The following RFX3 variants were observed in gnomAD, a reference collection of about 807,000 sequenced individuals.
RFX3 encodes transcription factor RFX3.
A neutral mutation model predicts 98.6 loss-of-function variants in RFX3; 14 were observed. The ratio of observed to expected loss-of-function variants is 0.14; its 90% CI spans 0.09 to 0.22. The LOEUF is 0.22. RFX3 is among the 10% of genes least tolerant of loss of function. The pLI, the probability that RFX3 is intolerant of heterozygous loss-of-function variation, is 1.00. For missense variants in RFX3, 639 were observed against 926.9 expected, an observed-to-expected ratio of 0.69 and a Z score of 4.03; for synonymous variants, 383 against 328.4, an observed-to-expected ratio of 1.17 and a Z score of -1.80.
intron 1 of RFX3, among the ~76,000 whole-genome samples, chr9:3,470,707 A>G (rs1044580204): frequency 9.9e-5 from 15 of 152,166 alleles, no homozygotes; most frequent in Non-Finnish European, 2.1e-4. Flanking sequence ...AGAAATCTGT[A>G]TCTATTGTGA....
chr9:3,400,204 G>T, intron 1 of RFX3: 1 of 980,268 alleles, frequency 1.0e-6, no homozygotes, highest in Non-Finnish European at 1.2e-6. Context: ...GCTGCACAAA[G>T]ACAAGTAAGA....
intron 15 of RFX3, among the ~76,000 whole-genome samples, chr9:3,243,330 CA>C (rs34599472): frequency 3.2e-4 from 47 of 146,664 alleles, no homozygotes; most frequent in African/African-American, 1.0e-3. Context: ...ATCATTTAGG[CA>C]AAAAAAAAAA....
intron 15 of RFX3, among the ~76,000 whole-genome samples, chr9:3,243,676 A>T (rs1399362480): frequency 1.3e-5 from 2 of 152,198 alleles, no homozygotes; most frequent in African/African-American, 4.8e-5. Context: ...AGATACATTC[A>T]TTGTTCTTAA....
chr9:3,219,138 G>T lies in RFX3; in HGVS notation c.*5904C>A, dbSNP rs1385975460. 6.6e-6 allele frequency: 1 copy of T among 152,078 alleles called. No homozygotes were observed. Among genetic ancestry groups the T allele is most frequent in the African/African-American group, 2.4e-5 (1 of 41,418 alleles). 9.4% of individuals were successfully genotyped at this position (152,078 alleles called of 1,614,324 possible). A position where few individuals can be genotyped will look rare whatever the true frequency, so the allele number is the denominator to read the frequency against. On this transcript the variant is annotated 3_prime_UTR_variant, in exon 17 of 17. Transcript: ENST00000617270. ...TCCAAATTGATGATGGAAATGAGTA[G>T]AGAAAAAAATTTGCTTTGGTACAAA...
intron 4 of RFX3, among the ~76,000 whole-genome samples, chr9:3,302,916 C>T (rs996548431): frequency 6.6e-6 from 1 of 151,686 alleles, no homozygotes; most frequent in Non-Finnish European, 1.5e-5. Flanking sequence ...GTTGCTAATT[C>T]TTCCCTGGAG....
chr9:3,382,307 C>T (rs1356573543), intron 2 of RFX3, among the ~76,000 whole-genome samples: 1 of 152,056 alleles, frequency 6.6e-6, no homozygotes, highest in African/African-American at 2.4e-5. Flanking sequence ...AAAAGTTGTA[C>T]CTTTGTATTT....
In RFX3 at chr9:3,525,945, A is replaced by T; in HGVS notation, c.-207T>A. 1.2e-6 allele frequency: 1 copy of T among 828,076 alleles called. No individual in the cohort carries two copies. The highest frequency in any genetic ancestry group is 1.4e-6 in the Non-Finnish European group (1 of 694,958). The allele number at this position is 828,076 out of a possible 1,614,324, so 51.3% of individuals were successfully genotyped here. A position where few individuals can be genotyped will look rare whatever the true frequency, so the allele number is the denominator to read the frequency against. On this transcript the variant is annotated 5_prime_UTR_variant, in exon 1 of 17. Transcript: ENST00000617270. ...TCACAAAAGAGAGAGAGAGAGGGAG[A>T]GAGAGAGAGAGCGAGAGGGAGAGGG...
intron 1 of RFX3, among the ~76,000 whole-genome samples, chr9:3,454,633 T>C (rs1326638728): frequency 6.6e-6 from 1 of 152,088 alleles, no homozygotes; most frequent in African/African-American, 2.4e-5. Flanking sequence ...ATGATAAAAA[T>C]CTTAAAGAAT....
intron 6 of RFX3, among the ~76,000 whole-genome samples, chr9:3,292,120 G>A (rs1283853014): frequency 8.0e-6 from 1 of 124,538 alleles, no homozygotes; most frequent in Non-Finnish European, 1.6e-5. Context: ...AAAATACTCT[G>A]AAGTTGTGCT....
At chr9:3,470,496 CTTTTTTT>C (rs200370245) in intron 1 of RFX3, among the ~76,000 whole-genome samples, 21,755 of 143,728 alleles carry the variant, frequency 0.15, 2,776 homozygotes, top group East Asian at 0.55. Flanking sequence ...TTCTTTTTTT[CTTTTTTT>C]TTTTTAGTAG....
At chr9:3,385,715 G>T (rs944459638) in intron 2 of RFX3, among the ~76,000 whole-genome samples, 2 of 145,060 alleles carry the variant, frequency 1.4e-5, no homozygotes, top group Non-Finnish European at 3.0e-5. Context: ...GAAAAGAAAA[G>T]AAAAGAAAAG....
chr9:3,247,772 T>C (rs754880593), intron 15 of RFX3: 4 of 1,584,510 alleles, frequency 2.5e-6, no homozygotes, highest in East Asian at 4.6e-5. Flanking sequence ...AGTTTTTCTT[T>C]TACATAGGTA....
At chr9:3,512,038 G>T (rs1817706373) in intron 1 of RFX3, among the ~76,000 whole-genome samples, 1 of 151,978 alleles carries the variant, frequency 6.6e-6, no homozygotes, top group Admixed American at 6.6e-5. Context: ...TGCTTTGTAT[G>T]CATGTATCGA....
At chr9:3,297,400 G>A (rs1018905801) in intron 5 of RFX3, among the ~76,000 whole-genome samples, 10 of 151,980 alleles carry the variant, frequency 6.6e-5, no homozygotes, top group African/African-American at 2.4e-4. Context: ...TGGTGGAAAC[G>A]AAGATAATTG....
chr9:3,288,798 T>G (rs554996943), intron 6 of RFX3, among the ~76,000 whole-genome samples: 2 of 152,250 alleles, frequency 1.3e-5, no homozygotes, highest in Middle Eastern at 6.8e-3. Flanking sequence ...GGTAAAGACT[T>G]ACTTAATATT....
chr9:3,242,753 G>C (rs1287611551), intron 15 of RFX3, among the ~76,000 whole-genome samples: 1 of 151,796 alleles, frequency 6.6e-6, no homozygotes, highest in Non-Finnish European at 1.5e-5. Context: ...ATGAATCCAA[G>C]ACATTTTTCT....
At chr9:3,386,928 T>A (rs1285540499) in intron 2 of RFX3, among the ~76,000 whole-genome samples, 1 of 152,166 alleles carries the variant, frequency 6.6e-6, no homozygotes, top group Non-Finnish European at 1.5e-5. Context: ...GTATCACAAA[T>A]GAGTCATCTG....
At chr9:3,410,058 T>C (rs1056275528) in intron 1 of RFX3, among the ~76,000 whole-genome samples, 1 of 152,074 alleles carries the variant, frequency 6.6e-6, no homozygotes, top group African/African-American at 2.4e-5. Flanking sequence ...ACATGGAGAA[T>C]GCAATCTTAA....
At chr9:3,266,120 A>T in intron 12 of RFX3, 88 bp downstream of exon 12, 1 of 706,352 alleles carries the variant, frequency 1.4e-6, no homozygotes. Flanking sequence ...AACATTTTAC[A>T]TAATACCATT....
Sources: allele counts gnomAD v4.1 joint callset (sites outside exome capture counted in the v4.1 genomes callset), GRCh38; gene constraint gnomAD v4.1.1; transcripts MANE v1.5; gene names NCBI Gene and HGNC (gene_info 2026-07-23, HGNC 2026-07-21).